The following WWC2 variants were observed in gnomAD, a reference collection of about 807,000 sequenced individuals.
WWC2 encodes the protein WW and C2 domain containing 2.
WWC2 carries 101 observed loss-of-function variants against 138.5 expected under a neutral mutation model. That is an observed-to-expected ratio of 0.73 (90% CI 0.62 to 0.86). The LOEUF (loss-of-function observed/expected upper bound fraction) is 0.86, where lower values mean the gene tolerates loss of function less well. Among genes scored for constraint, WWC2 ranks in the 40% least tolerant of loss-of-function variants. The pLI is 0.00. For missense variants in WWC2, 1,420 were observed against 1,419.4 expected, an observed-to-expected ratio of 1.00 and a Z score of -0.01; for synonymous variants, 558 against 538.4, an observed-to-expected ratio of 1.04 and a Z score of -0.50.
intron 21 of WWC2, among the ~76,000 whole-genome samples, chr4:183,295,237 T>C (rs913601518): frequency 1.3e-5 from 2 of 152,226 alleles, no homozygotes; most frequent in Admixed American, 6.5e-5. Context: ...CTACTTTTTT[T>C]CCTTTGGTAT....
intron 4 of WWC2, among the ~76,000 whole-genome samples, chr4:183,217,133 G>A (rs773185832): frequency 1.3e-5 from 2 of 152,150 alleles, no homozygotes; most frequent in Non-Finnish European, 2.9e-5. Flanking sequence ...ATTTATTTGT[G>A]TGCTAGAACA....
intron 4 of WWC2, among the ~76,000 whole-genome samples, chr4:183,210,254 A>G (rs965165003): frequency 6.6e-6 from 1 of 152,118 alleles, no homozygotes; most frequent in Non-Finnish European, 1.5e-5. Context: ...AGAATAAAAC[A>G]GTGGTTACCG....
rs1426644612 is a variant in WWC2 at position 183,260,950 on chromosome 4, C to T, written c.1327C>T (p.Leu443=). ...STLSMSSGSS[L]GSLASSRGSL... ...CCTGTCCATGTCATCTGGGAGCAGCCTGGGTTCCCTGGCATCGAGTCGGGG... is the reference window on the plus strand; with the variant it reads ...CCTGTCCATGTCATCTGGGAGCAGCTTGGGTTCCCTGGCATCGAGTCGGGG... The change falls in exon 11 of 23, where the codon CTG becomes TTG. Residue 443 remains leucine, a synonymous_variant. Transcript: ENST00000403733. 1 of 1,613,788 alleles carries T rather than the reference C, an allele frequency of 6.2e-7. No individual in the cohort carries two copies. The highest frequency in any genetic ancestry group is 8.5e-7 in the Non-Finnish European group (1 of 1,179,880).
chr4:183,237,076 A>G (rs1348473327), intron 4 of WWC2, among the ~76,000 whole-genome samples: 2 of 152,208 alleles, frequency 1.3e-5, no homozygotes, highest in African/African-American at 2.4e-5. Flanking sequence ...AAAAATCCTC[A>G]TAATGTTTTA....
At chr4:183,230,584 G>A (rs1736213979) in intron 4 of WWC2, among the ~76,000 whole-genome samples, 1 of 152,172 alleles carries the variant, frequency 6.6e-6, no homozygotes, top group Non-Finnish European at 1.5e-5. Context: ...GGCTGAGGCA[G>A]GAGAATCGCT....
At chr4:183,237,111 G>A (rs753367071) in intron 4 of WWC2, among the ~76,000 whole-genome samples, 1 of 152,132 alleles carries the variant, frequency 6.6e-6, no homozygotes, top group Non-Finnish European at 1.5e-5. Flanking sequence ...TTTGTGTTGG[G>A]CTGCATTCAA....
intron 16 of WWC2, among the ~76,000 whole-genome samples, chr4:183,271,886 G>A (rs923378083): frequency 7.9e-5 from 12 of 152,106 alleles, no homozygotes; most frequent in African/African-American, 2.9e-4. Flanking sequence ...CACGCCTGAA[G>A]TCCTTGCTCC....
At chr4:183,140,545 G>T (rs981505210) in intron 1 of WWC2, among the ~76,000 whole-genome samples, 16 of 152,316 alleles carry the variant, frequency 1.1e-4, no homozygotes, top group Admixed American at 5.2e-4. Context: ...TTGTTAATGG[G>T]AAGATACTGA....
chr4:183,148,823 A>G (rs999305516), intron 1 of WWC2, among the ~76,000 whole-genome samples: 4 of 152,184 alleles, frequency 2.6e-5, no homozygotes, highest in Admixed American at 6.5e-5. Flanking sequence ...TTTAGTGTAG[A>G]TGAGCAATTA....
At chr4:183,252,217 G>A (rs1737000294) in intron 8 of WWC2, among the ~76,000 whole-genome samples, 1 of 152,190 alleles carries the variant, frequency 6.6e-6, no homozygotes. Flanking sequence ...AAATGGGAAA[G>A]TATTTCTTTT....
At chr4:183,216,238 T>C (rs978921772) in intron 4 of WWC2, among the ~76,000 whole-genome samples, 1 of 152,214 alleles carries the variant, frequency 6.6e-6, no homozygotes, top group African/African-American at 2.4e-5. Context: ...TGCACATTTA[T>C]TTCTAGAGCT....
At chr4:183,229,296 G>A (rs1440262160) in intron 4 of WWC2, among the ~76,000 whole-genome samples, 4 of 152,046 alleles carry the variant, frequency 2.6e-5, no homozygotes, top group Admixed American at 6.5e-5. Context: ...ATATATGAAT[G>A]TTCTTTGCTA....
intron 1 of WWC2, among the ~76,000 whole-genome samples, chr4:183,130,186 G>C (rs1372431884): frequency 1.3e-5 from 2 of 151,720 alleles, no homozygotes; most frequent in Non-Finnish European, 2.9e-5. Context: ...CCAAGTAGCT[G>C]GGACTACAGG....
At chr4:183,258,710 G>A (rs545153489) in intron 9 of WWC2, among the ~76,000 whole-genome samples, 1 of 152,318 alleles carries the variant, frequency 6.6e-6, no homozygotes, top group African/African-American at 2.4e-5. Context: ...GATGAGAAAA[G>A]TAAGACCCTT....
At chr4:183,162,610 C>T (rs968056495) in intron 1 of WWC2, among the ~76,000 whole-genome samples, 1 of 152,084 alleles carries the variant, frequency 6.6e-6, no homozygotes, top group Admixed American at 6.6e-5. Context: ...GACATTTCTT[C>T]ATCTTCCCTC....
At position 183,205,630 on chromosome 4, in the gene WWC2, C is replaced by T. The variant is rs147291610; in HGVS notation, c.242-2323C>T. On this transcript the variant is annotated intron_variant, in intron 2 of 22. Transcript: ENST00000403733. ...AGTTTTATATTTTTTTTCTTCTGAC[C>T]GGCAGTTAAGTTACTTGCTGACCAG... 1.4e-3 allele frequency among the ~76,000 whole-genome samples: 212 copies of T among 152,042 alleles called. 1 individual carries two copies. The highest frequency in any genetic ancestry group is 4.9e-3 in the African/African-American group (204 of 41,468).
chr4:183,162,321 A>AT (rs1733984957), intron 1 of WWC2, among the ~76,000 whole-genome samples: 1 of 152,170 alleles, frequency 6.6e-6, no homozygotes, highest in Non-Finnish European at 1.5e-5. Context: ...AAACGTTTTG[A>AT]TAAAAATTCT....
intron 1 of WWC2, among the ~76,000 whole-genome samples, chr4:183,186,517 A>G (rs919946138): frequency 5.3e-5 from 8 of 152,208 alleles, no homozygotes; most frequent in African/African-American, 9.6e-5. Flanking sequence ...AAGAAGAATC[A>G]GAAGGTTTGA....
rs999955089 is a variant in WWC2 at position 183,265,019 on chromosome 4, C to T, written c.1951C>T (p.Leu651Phe). ...ACCAAAAAGAAGAGTGATCCACTTGCTTGGGGAGAAAACCACTTGTGTGTC... is the reference window on the plus strand; with the variant it reads ...ACCAAAAAGAAGAGTGATCCACTTGTTTGGGGAGAAAACCACTTGTGTGTC... ...SLPKRRVIHL[L>F]GEKTTCVSAA... Residue 651 changes from leucine (L) to phenylalanine (F), a missense_variant, in exon 12 of 23, where the codon CTT becomes TTT. Leu to Phe is a conservative substitution (Grantham distance 22). Coordinates refer to ENST00000403733, the MANE Select transcript of WWC2 (RefSeq NM_024949.6). 1.2e-6 allele frequency: 2 copies of T among 1,613,310 alleles called. No homozygotes were observed. Among genetic ancestry groups the T allele is most frequent in the African/African-American group, 1.3e-5 (1 of 75,024 alleles).
Sources: allele counts gnomAD v4.1 joint callset (sites outside exome capture counted in the v4.1 genomes callset), GRCh38; gene constraint gnomAD v4.1.1; transcripts MANE v1.5; gene names NCBI Gene and HGNC (gene_info 2026-07-23, HGNC 2026-07-21).